The following NLRC5 variants were observed in gnomAD, a reference collection of about 807,000 sequenced individuals.
NLRC5 encodes protein NLRC5.
NLRC5 carries 114 observed loss-of-function variants against 206.9 expected under a neutral mutation model. The observed-to-expected ratio is 0.55, with a 90% CI of 0.47 to 0.64. The LOEUF (loss-of-function observed/expected upper bound fraction) is 0.64. NLRC5 is among the 30% of genes least tolerant of loss of function. The pLI is 0.00. For synonymous variants in NLRC5, 952 were observed against 962.8 expected, an observed-to-expected ratio of 0.99 and a Z score of 0.21; for missense variants, 2,008 against 2,305.5, an observed-to-expected ratio of 0.87 and a Z score of 2.64.
intron 20 of NLRC5, among the ~76,000 whole-genome samples, chr16:57,045,127 C>A (rs1422295568): frequency 6.6e-6 from 1 of 151,468 alleles, no homozygotes. Flanking sequence ...ATCAGTTGAG[C>A]CCGGGGAAGG....
chr16:57,061,458 T>C lies in NLRC5; in HGVS notation c.3997T>C (p.Cys1333Arg). 6.2e-7 allele frequency: 1 copy of C among 1,611,316 alleles called. No individual in the cohort carries two copies. Among genetic ancestry groups the C allele is most frequent in the Non-Finnish European group, 8.5e-7 (1 of 1,179,976 alleles). Residue 1333 changes from cysteine (C) to arginine (R), a missense_variant, in exon 31 of 49, where the codon TGC becomes CGC. Cys to Arg is a radical substitution (Grantham distance 180). Coordinates refer to ENST00000688547, the MANE Select transcript of NLRC5 (RefSeq NM_001384950.1). ...GCTTTCTGCCCTCAGGCTAAGTGAGTGCAGCTTCCGGCCAGAGCACGTGTC... is the reference window on the plus strand; with the variant it reads ...GCTTTCTGCCCTCAGGCTAAGTGAGCGCAGCTTCCGGCCAGAGCACGTGTC... ...QAGKTLRLSE[C>R]SFRPEHVSRL...
At chr16:57,005,871 G>T (rs2058838399) in intron 1 of NLRC5, among the ~76,000 whole-genome samples, 1 of 151,258 alleles carries the variant, frequency 6.6e-6, no homozygotes, top group Non-Finnish European at 1.5e-5. Context: ...AGTGAGCCAC[G>T]ACCACACCAC....
intron 38 of NLRC5, among the ~76,000 whole-genome samples, chr16:57,072,709 A>AAAAAATACACAGTGGCTAT: frequency 6.6e-6 from 1 of 151,768 alleles, no homozygotes; most frequent in South Asian, 2.1e-4. Context: ...TCTGATGACC[A>AAAAAATACACAGTGGCTAT]AAAAAGTTCC....
chr16:57,079,190 TC>T (rs757930818), intron 44 of NLRC5, 30 bp from the exon 45 acceptor site: 6 of 1,613,950 alleles, frequency 3.7e-6, no homozygotes, highest in Non-Finnish European at 5.1e-6. Flanking sequence ...GTCTGGGGGT[TC>T]CTCTCACAGG....
At chr16:57,042,647 A>T (rs891199979) in intron 19 of NLRC5, among the ~76,000 whole-genome samples, 1 of 152,176 alleles carries the variant, frequency 6.6e-6, no homozygotes, top group African/African-American at 2.4e-5. Context: ...AAGCCAGAGG[A>T]GCCCAGGGGA....
At chr16:57,037,668 G>A (rs9936269) in intron 15 of NLRC5, among the ~76,000 whole-genome samples, 20,292 of 152,084 alleles carry the variant, frequency 0.13, 1,614 homozygotes, top group African/African-American at 0.2. Context: ...GTCCCTTACT[G>A]TTTCTCCTGA....
chr16:57,027,253 G>T (rs1354127964), intron 6 of NLRC5, among the ~76,000 whole-genome samples: 1 of 152,218 alleles, frequency 6.6e-6, no homozygotes, highest in Non-Finnish European at 1.5e-5. Context: ...ATCATGGGCT[G>T]AAACCACAGA....
At chr16:57,068,545 C>T (rs183304960) in intron 36 of NLRC5, among the ~76,000 whole-genome samples, 2 of 152,272 alleles carry the variant, frequency 1.3e-5, no homozygotes, top group Non-Finnish European at 2.9e-5. Context: ...CTCCCTCTCT[C>T]CTTTTCTGAA....
intron 17 of NLRC5, 183 bp from the exon 18 acceptor site, chr16:57,041,302 A>G: frequency 1.7e-6 from 1 of 580,090 alleles, no homozygotes; most frequent in South Asian, 2.1e-5. Flanking sequence ...CCTATATGTG[A>G]CATCCTGTGG....
intron 28 of NLRC5, 46 bp downstream of exon 28, chr16:57,058,194 C>A (rs1324574901): frequency 3.3e-6 from 5 of 1,518,330 alleles, no homozygotes; most frequent in Non-Finnish European, 4.5e-6. Flanking sequence ...GAGGAAGGCT[C>A]CCCTAGGCCA....
intron 23 of NLRC5, 88 bp from the exon 24 acceptor site, chr16:57,051,450 C>T (rs971675397): frequency 3.3e-6 from 3 of 918,744 alleles, no homozygotes; most frequent in African/African-American, 1.6e-5. Context: ...TGGTTAGGTC[C>T]CATCTCCAGA....
rs542827447 is a variant in NLRC5, at chr16:57,028,281, C to G, written c.2160-21C>G. 1.9e-6 allele frequency: 3 copies of G among 1,610,888 alleles called. No homozygotes were observed. The Admixed American group carries it at 5.0e-5, about 27-fold the overall frequency. ...CTTTTCCCCTCCTCGTTCCTCCCCA[C>G]CATCTTTGCTTACTCTGTAGGTTAG... On this transcript the variant is annotated intron_variant, in intron 7 of 48. Coordinates refer to ENST00000688547, the MANE Select transcript of NLRC5 (RefSeq NM_001384950.1).
intron 11 of NLRC5, 80 bp downstream of exon 11, chr16:57,031,543 A>G: frequency 7.4e-7 from 1 of 1,349,804 alleles, no homozygotes; most frequent in Non-Finnish European, 1.1e-6. Context: ...AAAGGTGACC[A>G]AGAGACTAGG....
intron 2 of NLRC5, among the ~76,000 whole-genome samples, chr16:57,019,120 C>T (rs1256053262): frequency 6.6e-6 from 1 of 152,152 alleles, no homozygotes; most frequent in Non-Finnish European, 1.5e-5. Context: ...GTTCGGCCAT[C>T]ATGATGGCTC....
Position 57,077,324 on chromosome 16 carries a change from G to A in NLRC5, c.4864G>A (p.Gly1622Ser). 1.2e-6 allele frequency: 2 copies of A among 1,614,052 alleles called. No individual in the cohort carries two copies. The highest frequency in any genetic ancestry group is 1.7e-6 in the Non-Finnish European group (2 of 1,179,976). The change falls in exon 41 of 49, where the codon GGT (glycine) becomes AGT (serine). Residue 1622 changes from glycine to serine, a missense_variant. Physicochemically the swap from Gly to Ser is moderately conservative, Grantham distance 56. Transcript: ENST00000688547. ...DLSHNQIGDAGVQHLATILPG... is the reference protein window; with the variant it reads ...DLSHNQIGDASVQHLATILPG... The stretch of plus-strand genomic sequence containing the variant: ...GAGCCACAACCAGATTGGAGACGCT[G>A]GTGTCCAGCACTTAGCTACCATCCT...
rs1299427954 is a variant in NLRC5 at position 57,061,669 on chromosome 16, G to C, written c.4122G>C (p.Leu1374Phe). ...GQKQLAILLS[L>F]VGRPAGLFSL... is the part of the protein sequence containing the mutation. ...AGCAGCTGGCCATCCTCCTGAGCTT[G>C]GTGGGGCGACCCGCAGGGCTGTTCA... is the stretch of plus-strand genomic sequence containing the variant. The change falls in exon 32 of 49, where the codon TTG (leucine) becomes TTC (phenylalanine). Residue 1374 changes from leucine to phenylalanine, a missense_variant. Coordinates refer to ENST00000688547, the MANE Select transcript of NLRC5 (RefSeq NM_001384950.1). 1 of 1,609,554 alleles carries C rather than the reference G, an allele frequency of 6.2e-7. No individual in the cohort carries two copies. The highest frequency in any genetic ancestry group is 1.1e-5 in the South Asian group (1 of 90,912).
intron 6 of NLRC5, among the ~76,000 whole-genome samples, chr16:57,027,294 T>C (rs2061353592): frequency 6.6e-6 from 1 of 152,212 alleles, no homozygotes; most frequent in African/African-American, 2.4e-5. Context: ...TGGTGGACTT[T>C]GGGCAAGTAT....
chr16:57,035,756 C>T (rs2062479307), intron 13 of NLRC5, among the ~76,000 whole-genome samples: 1 of 152,194 alleles, frequency 6.6e-6, no homozygotes, highest in African/African-American at 2.4e-5. Context: ...GAGGGTGGGG[C>T]CTTGAAGGCA....
intron 3 of NLRC5, among the ~76,000 whole-genome samples, chr16:57,021,412 G>A (rs2060658352): frequency 6.6e-6 from 1 of 152,170 alleles, no homozygotes; most frequent in African/African-American, 2.4e-5. Context: ...AGGCTGGAGT[G>A]CAGTGGCACA....
Sources: gnomAD v4.1 joint callset for allele counts (sites outside exome capture counted in the v4.1 genomes callset) on GRCh38, gnomAD v4.1.1 for gene constraint, MANE v1.5 for transcripts, NCBI Gene and HGNC (gene_info 2026-07-23, HGNC 2026-07-21) for gene names.